The following TACR3 variants were observed in gnomAD, a reference collection of about 807,000 sequenced individuals.
TACR3 encodes the protein tachykinin receptor 3, also known as neuromedin-K receptor.
In TACR3, 34 loss-of-function variants were observed where a neutral mutation model predicts 35.0. That is an observed-to-expected ratio of 0.97 (90% confidence interval 0.74 to 1.30). The LOEUF (loss-of-function observed/expected upper bound fraction) is 1.30. Ranked by LOEUF, TACR3 falls within the 50% of genes most tolerant of loss-of-function variation. The pLI is 0.00. For synonymous variants in TACR3, 233 were observed against 221.1 expected, an observed-to-expected ratio of 1.05 and a Z score of -0.48; for missense variants, 558 against 591.7, an observed-to-expected ratio of 0.94 and a Z score of 0.59.
chr4:103,639,247 A>G (rs1725286757), intron 3 of TACR3, among the ~76,000 whole-genome samples: 1 of 132,562 alleles, frequency 7.5e-6, no homozygotes, highest in Non-Finnish European at 1.5e-5. Context: ...ACACCATGGA[A>G]TACTATGCAG....
At chr4:103,716,152 A>C (rs1419729681) in intron 1 of TACR3, among the ~76,000 whole-genome samples, 1 of 151,920 alleles carries the variant, frequency 6.6e-6, no homozygotes, top group Non-Finnish European at 1.5e-5. Context: ...TATTTTTCAA[A>C]ATGGCAAATT....
intron 3 of TACR3, among the ~76,000 whole-genome samples, chr4:103,610,698 T>C (rs931339368): frequency 6.6e-6 from 1 of 152,184 alleles, no homozygotes; most frequent in African/African-American, 2.4e-5. Flanking sequence ...CAAAATATCC[T>C]TGTCCAGATC....
intron 3 of TACR3, among the ~76,000 whole-genome samples, chr4:103,603,532 A>G (rs1222849392): frequency 2.6e-5 from 4 of 152,134 alleles, no homozygotes; most frequent in Non-Finnish European, 5.9e-5. Flanking sequence ...ATAGTATTCC[A>G]TGGTGTATAT....
At chr4:103,668,110 A>G (rs1725972471) in intron 1 of TACR3, among the ~76,000 whole-genome samples, 2 of 152,050 alleles carry the variant, frequency 1.3e-5, no homozygotes, top group Admixed American at 1.3e-4. Flanking sequence ...GAATCACCAC[A>G]CCTGGCCAGA....
chr4:103,637,474 C>G (rs552122228), intron 3 of TACR3, among the ~76,000 whole-genome samples: 8 of 152,192 alleles, frequency 5.3e-5, no homozygotes, highest in African/African-American at 1.4e-4. Flanking sequence ...AAACCCACAG[C>G]CAATATCATA....
intron 3 of TACR3, among the ~76,000 whole-genome samples, chr4:103,631,761 G>A (rs560276012): frequency 1.3e-5 from 2 of 152,240 alleles, no homozygotes; most frequent in Non-Finnish European, 2.9e-5. Context: ...AAATGAGAAG[G>A]TAGTTGATTC....
chr4:103,682,855 T>C (rs7655195), intron 1 of TACR3, among the ~76,000 whole-genome samples: 1,756 of 152,232 alleles, frequency 0.012, 14 homozygotes, highest in South Asian at 0.022. Flanking sequence ...TGTGTGTGGC[T>C]GTAGAATTCA....
intron 3 of TACR3, among the ~76,000 whole-genome samples, chr4:103,644,685 GA>G (rs1725422900): frequency 6.6e-6 from 1 of 151,294 alleles, no homozygotes; most frequent in South Asian, 2.1e-4. Flanking sequence ...CATTTCCCTA[GA>G]AAACTTACTA....
At chr4:103,599,965 C>G (rs1308850131) in intron 3 of TACR3, among the ~76,000 whole-genome samples, 1 of 152,102 alleles carries the variant, frequency 6.6e-6, no homozygotes, top group Admixed American at 6.6e-5. Flanking sequence ...TGATGCTGGC[C>G]TCATAAAATG....
chr4:103,719,817 C>G lies in TACR3; in HGVS notation c.-142G>C, dbSNP rs1723175674. 1.8e-6 allele frequency: 2 copies of G among 1,119,536 alleles called. No homozygotes were observed. The allele number at this position is 1,119,536 out of a possible 1,614,324, so 69.4% of individuals were successfully genotyped here. ...ACTGGAAGCTGAAAGATACTGCAAT[C>G]CCTGCTGGTTAGGGGATGCAGCTGG... On this transcript the variant is annotated 5_prime_UTR_variant, in exon 1 of 5. Coordinates refer to ENST00000304883, the MANE Select transcript of TACR3 (RefSeq NM_001059.3).
At chr4:103,673,706 G>A (rs1159820695) in intron 1 of TACR3, among the ~76,000 whole-genome samples, 2 of 152,164 alleles carry the variant, frequency 1.3e-5, no homozygotes, top group Non-Finnish European at 2.9e-5. Flanking sequence ...TTTGCTCGAT[G>A]CAGGATTGTC....
intron 3 of TACR3, among the ~76,000 whole-genome samples, chr4:103,620,062 AC>A (rs1724742153): frequency 6.6e-6 from 1 of 152,078 alleles, no homozygotes; most frequent in African/African-American, 2.4e-5. Flanking sequence ...AAAAAAAAAA[AC>A]CTTATTTTAA....
At chr4:103,612,129 TTA>T (rs1724526404) in intron 3 of TACR3, among the ~76,000 whole-genome samples, 1 of 152,196 alleles carries the variant, frequency 6.6e-6, no homozygotes, top group Non-Finnish European at 1.5e-5. Flanking sequence ...AAAGCTTCTG[TTA>T]TATTTTGCTG....
At chr4:103,662,217 GT>G (rs34317006) in intron 1 of TACR3, among the ~76,000 whole-genome samples, 2,933 of 86,206 alleles carry the variant, frequency 0.034, 148 homozygotes, top group African/African-American at 0.13. Flanking sequence ...TGTTGATGGT[GT>G]TTTTTTTTTT....
intron 4 of TACR3, 178 bp downstream of exon 4, chr4:103,591,309 G>A: frequency 1.5e-6 from 1 of 676,088 alleles, no homozygotes; most frequent in Non-Finnish European, 2.6e-6. Flanking sequence ...AATGTGGGAT[G>A]CTTTATAAAG....
intron 3 of TACR3, among the ~76,000 whole-genome samples, chr4:103,640,207 C>T (rs1448086840): frequency 6.6e-6 from 1 of 152,044 alleles, no homozygotes; most frequent in Non-Finnish European, 1.5e-5. Context: ...TGCTGTCTGA[C>T]TCTGTAGTTT....
chr4:103,665,493 TC>T (rs1725917864), intron 1 of TACR3, among the ~76,000 whole-genome samples: 1 of 152,168 alleles, frequency 6.6e-6, no homozygotes, highest in African/African-American at 2.4e-5. Flanking sequence ...ATTAGGTTTA[TC>T]TACTCATTTA....
intron 1 of TACR3, among the ~76,000 whole-genome samples, chr4:103,688,120 C>G (rs1042552839): frequency 2.0e-5 from 3 of 152,124 alleles, no homozygotes; most frequent in Non-Finnish European, 4.4e-5. Context: ...TGATCTTTGA[C>G]AAACTTGAGA....
chr4:103,660,953 T>A (rs146928209), intron 1 of TACR3, among the ~76,000 whole-genome samples: 1 of 152,116 alleles, frequency 6.6e-6, no homozygotes, highest in Admixed American at 6.5e-5. Context: ...CACAGAATAA[T>A]ACTATTACCT....
Sources: allele counts gnomAD v4.1 joint callset (sites outside exome capture counted in the v4.1 genomes callset), GRCh38; gene constraint gnomAD v4.1.1; transcripts MANE v1.5; gene names NCBI Gene and HGNC (gene_info 2026-07-23, HGNC 2026-07-21).